The following HDAC8 variants were observed in gnomAD, a reference collection of about 807,000 sequenced individuals.
HDAC8 encodes the protein histone deacetylase-like 1.
Under a neutral mutation model 32.2 loss-of-function variants are expected in HDAC8, and 1 was observed. The observed-to-expected ratio is 0.03, with a 90% confidence interval of 0.01 to 0.15. The LOEUF (loss-of-function observed/expected upper bound fraction) is 0.15. Ranked by LOEUF, HDAC8 falls within the 10% of genes least tolerant of loss-of-function variation. The probability of loss-of-function intolerance (pLI) is 1.00; values close to 1 mark genes in which losing one functional copy is unlikely to be tolerated. For missense variants in HDAC8, 117 were observed against 300.0 expected (o/e 0.39, Z 4.51); for synonymous variants, 108 against 113.9 (o/e 0.95, Z 0.33).
chrX:72,350,834 C>T (rs782250623), intron 10 of HDAC8, among the ~76,000 whole-genome samples: 6 of 111,853 alleles, frequency 5.4e-5, no homozygotes, highest in African/African-American at 1.9e-4. Context: ...TTCCCCTCTA[C>T]CCCGAGGCCA....
intron 9 of HDAC8, among the ~76,000 whole-genome samples, chrX:72,391,751 C>T (rs2045616977): frequency 9.0e-6 from 1 of 111,383 alleles, no homozygotes; most frequent in African/African-American, 3.3e-5. Flanking sequence ...TGAAATTCTA[C>T]CCTCTCTTTA....
chrX:72,412,649 A>T (rs1260130982), intron 9 of HDAC8, among the ~76,000 whole-genome samples: 1 of 112,164 alleles, frequency 8.9e-6, no homozygotes, highest in Non-Finnish European at 1.9e-5. Flanking sequence ...GAAATGAGCC[A>T]TAAATTTATT....
At chrX:72,356,472 T>C (rs1602565967) in intron 9 of HDAC8, among the ~76,000 whole-genome samples, 2 of 112,389 alleles carry the variant, frequency 1.8e-5, no homozygotes, top group East Asian at 5.6e-4. Context: ...GGCAGGACAT[T>C]GTTTTGTTCC....
chrX:72,502,525 C>T (rs1243141525), intron 4 of HDAC8, among the ~76,000 whole-genome samples: 1 of 111,110 alleles, frequency 9.0e-6, no homozygotes, highest in Non-Finnish European at 1.9e-5. Context: ...GGGCTTAATA[C>T]CCGGGTGATG....
At position 72,341,457 on chromosome X, in the gene HDAC8, A is replaced by G. The variant is rs782587553; in HGVS notation, c.1111+10276T>C. ...TTGTGTAAGACCACAGTTGCTGGTC[A>G]GTGCCATGAAAATGTCATCTATGTA... On this transcript the variant is annotated intron_variant, in intron 10 of 10. Coordinates refer to ENST00000373573, the MANE Select transcript of HDAC8 (RefSeq NM_018486.3). Among the ~76,000 whole-genome samples the G allele has an allele frequency of 2.7e-5, 3 of 112,318 alleles. No individual in the cohort carries two copies. In the South Asian group the frequency reaches 1.1e-3, roughly 42 times the overall value.
At chrX:72,441,941 G>A (rs1370867004) in intron 9 of HDAC8, among the ~76,000 whole-genome samples, 3 of 111,549 alleles carry the variant, frequency 2.7e-5, no homozygotes, top group Non-Finnish European at 5.6e-5. Context: ...ATCAGTGATG[G>A]AAGATCAAAT....
intron 4 of HDAC8, among the ~76,000 whole-genome samples, chrX:72,551,238 G>A (rs1367167859): frequency 9.0e-6 from 1 of 111,163 alleles, no homozygotes; most frequent in Admixed American, 9.6e-5. Flanking sequence ...AAAAGCCTTT[G>A]GGAACACTAA....
intron 9 of HDAC8, among the ~76,000 whole-genome samples, chrX:72,452,740 A>C (rs1314201437): frequency 8.9e-6 from 1 of 112,168 alleles, no homozygotes; most frequent in Non-Finnish European, 1.9e-5. Context: ...ATTATTTAAA[A>C]TCCAGAATTC....
At chrX:72,495,122 C>T (rs782233853) in intron 5 of HDAC8, 34 bp downstream of exon 5, 3 of 1,020,114 alleles carry the variant, frequency 2.9e-6, no homozygotes, top group African/African-American at 1.9e-5. Flanking sequence ...CTGCTGTCCT[C>T]GCAGCAAAGC....
At chrX:72,337,038 C>T (rs1555942743) in intron 10 of HDAC8, among the ~76,000 whole-genome samples, 1 of 112,490 alleles carries the variant, frequency 8.9e-6, no homozygotes, top group African/African-American at 3.2e-5. Flanking sequence ...GAGTGAGCTA[C>T]TGCACTCAGC....
intron 10 of HDAC8, among the ~76,000 whole-genome samples, chrX:72,350,484 G>T (rs1157734239): frequency 1.8e-5 from 2 of 111,128 alleles, no homozygotes; most frequent in Non-Finnish European, 3.8e-5. Flanking sequence ...TTTTGTGTTG[G>T]ATTATATTCC....
chrX:72,407,947 A>T lies in HDAC8; in HGVS notation c.1005+54057T>A, dbSNP rs893823967. ...TCTCATTTCCCCTTCTTATATTTTT[A>T]TTTGGCTCTAAGAGTTTCAAGGCCC... is the stretch of plus-strand genomic sequence containing the variant. On this transcript the variant is annotated intron_variant, in intron 9 of 10. Transcript: ENST00000373573. Among the ~76,000 whole-genome samples the T allele has an allele frequency of 6.3e-5, 7 of 111,880 alleles. No individual in the cohort carries two copies. In the East Asian group the frequency reaches 1.4e-3, roughly 23 times the overall value.
intron 9 of HDAC8, among the ~76,000 whole-genome samples, chrX:72,458,669 T>G (rs890374189): frequency 8.9e-6 from 1 of 112,027 alleles, no homozygotes; most frequent in Non-Finnish European, 1.9e-5. Flanking sequence ...AACACTCAGC[T>G]AAGCACTAGG....
intron 9 of HDAC8, among the ~76,000 whole-genome samples, chrX:72,424,421 C>G (rs1602767987): frequency 9.0e-6 from 1 of 111,143 alleles, no homozygotes; most frequent in African/African-American, 3.3e-5. Context: ...TTTTTCTTCT[C>G]TTTTCTTTTT....
intron 7 of HDAC8, among the ~76,000 whole-genome samples, chrX:72,478,431 C>T (rs1047645486): frequency 9.0e-6 from 1 of 111,188 alleles, no homozygotes; most frequent in Non-Finnish European, 1.9e-5. Context: ...ACCCCTAACA[C>T]GTTTAAGATG....
chrX:72,331,040 G>T (rs149475482), intron 10 of HDAC8, among the ~76,000 whole-genome samples: 1 of 100,143 alleles, frequency 1.0e-5, no homozygotes, highest in South Asian at 4.9e-4. Context: ...GCAATCTCCC[G>T]GGTTCAAGCA....
At chrX:72,360,109 C>T (rs2044504249) in intron 9 of HDAC8, among the ~76,000 whole-genome samples, 1 of 108,558 alleles carries the variant, frequency 9.2e-6, no homozygotes, top group African/African-American at 3.4e-5. Flanking sequence ...GTAATCCCAT[C>T]ACTTTAGGAG....
At chrX:72,376,978 G>A (rs1193132910) in intron 9 of HDAC8, 1 of 109,085 alleles carries the variant, frequency 9.2e-6, no homozygotes, top group African/African-American at 3.3e-5. Context: ...TTTCTTATTG[G>A]GAGGGGTGCA....
At chrX:72,478,256 G>A (rs967195362) in intron 7 of HDAC8, among the ~76,000 whole-genome samples, 3 of 112,374 alleles carry the variant, frequency 2.7e-5, no homozygotes, top group African/African-American at 9.7e-5. Flanking sequence ...TCCCTGAGGT[G>A]CTGTACTATG....
Sources: allele counts gnomAD v4.1 joint callset (sites outside exome capture counted in the v4.1 genomes callset), GRCh38; gene constraint gnomAD v4.1.1; transcripts MANE v1.5; gene names NCBI Gene and HGNC (gene_info 2026-07-23, HGNC 2026-07-21).